TULP4: variants seen among roughly 807,000 people sequenced by gnomAD.
The protein encoded by TULP4 is TUB like protein 4, also known as tubby-related protein 4.
Under a neutral mutation model 129.0 loss-of-function variants are expected in TULP4, and 16 were observed. The ratio of observed to expected loss-of-function variants is 0.12; its 90% CI spans 0.08 to 0.19. The LOEUF is 0.19. Among genes scored for constraint, TULP4 ranks in the 10% least tolerant of loss-of-function variants. The probability of loss-of-function intolerance (pLI) is 1.00; values close to 1 mark genes in which losing one functional copy is unlikely to be tolerated. For missense variants in TULP4, 1,842 were observed against 2,059.1 expected, an observed-to-expected ratio of 0.89 and a Z score of 2.04; for synonymous variants, 998 against 854.0, an observed-to-expected ratio of 1.17 and a Z score of -2.94.
At chr6:158,351,707 CT>C (rs1160814801) in intron 1 of TULP4, among the ~76,000 whole-genome samples, 3,566 of 50,170 alleles carry the variant, frequency 0.071, 10 homozygotes, top group East Asian at 0.17. Context: ...TGTTGTTAAA[CT>C]TTTTTTTTTT....
intron 1 of TULP4, among the ~76,000 whole-genome samples, chr6:158,248,785 G>A (rs1433313906): frequency 6.6e-6 from 1 of 151,936 alleles, no homozygotes; most frequent in East Asian, 1.9e-4. Flanking sequence ...TAAATAAATA[G>A]TGATGCCTGG....
upstream of TULP4, among the ~76,000 whole-genome samples, chr6:158,281,748 A>G (rs1778757464): frequency 6.6e-6 from 1 of 152,174 alleles, no homozygotes; most frequent in Non-Finnish European, 1.5e-5. Flanking sequence ...GTTACCCATT[A>G]ATGTTAAGCT....
intron 13 of TULP4, among the ~76,000 whole-genome samples, chr6:158,505,266 G>A (rs555581354): frequency 3.3e-5 from 5 of 152,234 alleles, no homozygotes; most frequent in Admixed American, 6.5e-5. Flanking sequence ...TTAAATTCAC[G>A]TTTTCGTTAA....
intron 1 of TULP4, among the ~76,000 whole-genome samples, chr6:158,388,222 A>ATTTTT (rs1175218958): frequency 2.6e-5 from 4 of 152,116 alleles, no homozygotes; most frequent in Non-Finnish European, 5.9e-5. Flanking sequence ...TCTATGCTTA[A>ATTTTT]CTAGCAAATA....
chr6:158,500,283 A>G (rs1780414884), intron 12 of TULP4, among the ~76,000 whole-genome samples: 1 of 152,238 alleles, frequency 6.6e-6, no homozygotes, highest in African/African-American at 2.4e-5. Flanking sequence ...TGTTTCATAC[A>G]GACGAGAGAG....
At chr6:158,403,529 G>A (rs1450972456) in intron 1 of TULP4, among the ~76,000 whole-genome samples, 1 of 152,018 alleles carries the variant, frequency 6.6e-6, no homozygotes, top group African/African-American at 2.4e-5. Flanking sequence ...TAGTAGAGAC[G>A]GGGTTTCTCC....
intron 1 of TULP4, among the ~76,000 whole-genome samples, chr6:158,335,143 G>A (rs998105297): frequency 4.6e-5 from 7 of 152,136 alleles, no homozygotes; most frequent in Admixed American, 1.3e-4. Flanking sequence ...AGAGTGTGGT[G>A]GCAGGTGCCT....
Position 158,472,740 on chromosome 6 carries a change from G to A in TULP4, c.1027-7011G>A, listed in dbSNP as rs182478637. Among the ~76,000 whole-genome samples the A allele has an allele frequency of 1.7e-3, 265 of 152,320 alleles. 1 individual carries two copies. Among genetic ancestry groups the A allele is most frequent in the Non-Finnish European group, 2.6e-3 (175 of 68,030 alleles). ...GTATTGCGTACAAAACCATTGCCTG[G>A]GACGAACTTGCAGCAGCAGCAGCAG... On this transcript the variant is annotated intron_variant, in intron 6 of 13. Transcript: ENST00000367097.
intron 6 of TULP4, among the ~76,000 whole-genome samples, chr6:158,472,421 C>A (rs1258992576): frequency 6.6e-6 from 1 of 152,064 alleles, no homozygotes; most frequent in African/African-American, 2.4e-5. Context: ...ATTATTGATT[C>A]TTTTTTTCAT....
At chr6:158,259,833 A>T (rs1348209716) in intron 1 of TULP4, among the ~76,000 whole-genome samples, 1 of 152,232 alleles carries the variant, frequency 6.6e-6, no homozygotes, top group East Asian at 1.9e-4. Flanking sequence ...TGGTTTTATG[A>T]TAAAGGATAC....
chr6:158,237,459 T>C (rs1331474920), intron 1 of TULP4: 1 of 1,548,320 alleles, frequency 6.5e-7, no homozygotes, highest in South Asian at 1.1e-5. Context: ...ATAGTGTCGC[T>C]GCACTGCCAG....
At chr6:158,276,811 G>A (rs1176463008) in intron 1 of TULP4, among the ~76,000 whole-genome samples, 1 of 152,130 alleles carries the variant, frequency 6.6e-6, no homozygotes, top group Non-Finnish European at 1.5e-5. Context: ...TAAATATATA[G>A]TATATTTGCT....
At chr6:158,397,296 G>A (rs1489720116) in intron 1 of TULP4, among the ~76,000 whole-genome samples, 4 of 152,214 alleles carry the variant, frequency 2.6e-5, no homozygotes, top group Non-Finnish European at 5.9e-5. Flanking sequence ...TCCAGGCACA[G>A]GATACCATCA....
intron 6 of TULP4, among the ~76,000 whole-genome samples, chr6:158,473,362 G>A (rs1346275141): frequency 6.6e-6 from 1 of 152,178 alleles, no homozygotes; most frequent in Non-Finnish European, 1.5e-5. Flanking sequence ...AAGGATGGTT[G>A]TGTTCTTTTA....
upstream of TULP4, among the ~76,000 whole-genome samples, chr6:158,280,363 G>A (rs1778727488): frequency 6.6e-6 from 1 of 151,654 alleles, no homozygotes; most frequent in Admixed American, 6.6e-5. Context: ...TTCCTCCCTG[G>A]TTATTTAAAG....
At chr6:158,277,601 C>T (rs542743437), upstream of TULP4, among the ~76,000 whole-genome samples, 8 of 152,254 alleles carry the variant, frequency 5.3e-5, no homozygotes, top group South Asian at 1.7e-3. Flanking sequence ...CAACTCTTGC[C>T]CCATCCCTCC....
chr6:158,251,050 A>G (rs966387173), intron 1 of TULP4, among the ~76,000 whole-genome samples: 9 of 152,196 alleles, frequency 5.9e-5, no homozygotes, highest in African/African-American at 2.2e-4. Flanking sequence ...TGTCCCAAGA[A>G]GGAGGCAGAC....
intron 6 of TULP4, among the ~76,000 whole-genome samples, chr6:158,464,610 A>G (rs1779514894): frequency 6.6e-6 from 1 of 152,164 alleles, no homozygotes. Flanking sequence ...CCTGTTGACC[A>G]GGCTGGTCTC....
At chr6:158,238,191 A>G (rs1777758332) in intron 1 of TULP4, 9 of 801,510 alleles carry the variant, frequency 1.1e-5, no homozygotes, top group Admixed American at 3.5e-5. Context: ...GAAATTTTCA[A>G]CTGTGCCATG....
Sources: allele counts gnomAD v4.1 joint callset (sites outside exome capture counted in the v4.1 genomes callset), GRCh38; gene constraint gnomAD v4.1.1; transcripts MANE v1.5; gene names NCBI Gene and HGNC (gene_info 2026-07-23, HGNC 2026-07-21).